The following LARGE1 variants were observed in gnomAD, a reference collection of about 807,000 sequenced individuals.
LARGE1 encodes LARGE xylosyl- and glucuronyltransferase 1, also known as xylosyl- and glucuronyltransferase LARGE1.
A neutral mutation model predicts 87.6 loss-of-function variants in LARGE1; 43 were observed. The ratio of observed to expected loss-of-function variants is 0.49; its 90% confidence interval spans 0.38 to 0.63. LARGE1 has a LOEUF of 0.63. Ranked by LOEUF, LARGE1 falls within the 30% of genes least tolerant of loss-of-function variation. The probability of loss-of-function intolerance (pLI) is 0.00; values close to 1 mark genes in which losing one functional copy is unlikely to be tolerated. For missense variants in LARGE1, 802 were observed against 1,000.2 expected (o/e 0.80, Z 2.67); for synonymous variants, 434 against 394.6 (o/e 1.10, Z -1.18).
intron 5 of LARGE1, among the ~76,000 whole-genome samples, chr22:33,603,352 T>C (rs1007720037): frequency 6.6e-6 from 1 of 152,188 alleles, no homozygotes; most frequent in African/African-American, 2.4e-5. Flanking sequence ...TTCTGCAAAG[T>C]TACATGTTCC....
At chr22:33,782,833 C>A (rs1269729917) in intron 1 of LARGE1, among the ~76,000 whole-genome samples, 1 of 150,868 alleles carries the variant, frequency 6.6e-6, no homozygotes, top group Non-Finnish European at 1.5e-5. Flanking sequence ...CCACTGCACT[C>A]CAGCCTGGCA....
Position 33,661,536 on chromosome 22 carries a change from A to T in LARGE1, c.107-10868T>A, listed in dbSNP as rs546831215. Among the ~76,000 whole-genome samples the T allele has an allele frequency of 1.9e-4, 29 of 149,612 alleles. No homozygotes were observed. The East Asian group carries it at 5.2e-3, about 27-fold the overall frequency. ...GGCATTTCTGTGATTTTTTTTTTTTAAATGAGGAGCACTGACAATAATGTC... is the reference window on the plus strand; with the variant it reads ...GGCATTTCTGTGATTTTTTTTTTTTTAATGAGGAGCACTGACAATAATGTC... On this transcript the variant is annotated intron_variant, in intron 2 of 14. Coordinates refer to ENST00000397394, the MANE Select transcript of LARGE1 (RefSeq NM_133642.5).
At chr22:33,593,534 A>G (rs552704121) in intron 5 of LARGE1, among the ~76,000 whole-genome samples, 1 of 152,306 alleles carries the variant, frequency 6.6e-6, no homozygotes, top group African/African-American at 2.4e-5. Flanking sequence ...CAAGATAATA[A>G]GCTTGTCTCC....
At chr22:33,903,827 A>C (rs1258281677) in intron 1 of LARGE1, among the ~76,000 whole-genome samples, 1 of 152,170 alleles carries the variant, frequency 6.6e-6, no homozygotes, top group Non-Finnish European at 1.5e-5. Context: ...CCATCTCCAA[A>C]AAACAAAACA....
chr22:33,620,640 G>T (rs147742091), intron 4 of LARGE1, among the ~76,000 whole-genome samples: 223 of 152,050 alleles, frequency 1.5e-3, no homozygotes, highest in African/African-American at 5.0e-3. Context: ...ACAAGATTAC[G>T]CCCAGGCATG....
intron 6 of LARGE1, among the ~76,000 whole-genome samples, chr22:33,441,461 T>G (rs2067474755): frequency 6.6e-6 from 1 of 152,146 alleles, no homozygotes; most frequent in African/African-American, 2.4e-5. Context: ...TCTCTCTCTC[T>G]GTTTAATAAA....
chr22:33,092,203 C>T, the LARGE1 span, among the ~76,000 whole-genome samples: 3 of 151,972 alleles, frequency 2.0e-5, no homozygotes, highest in African/African-American at 4.8e-5. Context: ...TGGCCCTATG[C>T]TCTTCTTCTA....
At chr22:33,766,166 G>A (rs1054204515) in intron 1 of LARGE1, among the ~76,000 whole-genome samples, 5 of 152,158 alleles carry the variant, frequency 3.3e-5, no homozygotes, top group Admixed American at 6.5e-5. Context: ...AAATGTTGGC[G>A]AATTAACTGG....
intron 5 of LARGE1, among the ~76,000 whole-genome samples, chr22:33,597,114 A>G (rs534916802): frequency 1.3e-5 from 2 of 152,134 alleles, no homozygotes; most frequent in East Asian, 3.9e-4. Flanking sequence ...ATTTCGTCAC[A>G]GCACCTGAAG....
At chr22:33,583,929 A>C (rs2078593917) in intron 5 of LARGE1, among the ~76,000 whole-genome samples, 1 of 152,226 alleles carries the variant, frequency 6.6e-6, no homozygotes, top group Non-Finnish European at 1.5e-5. Flanking sequence ...CATACTGACT[A>C]TACTGATACT....
chr22:33,715,308 G>T (rs1457321290), intron 2 of LARGE1, among the ~76,000 whole-genome samples: 1 of 152,062 alleles, frequency 6.6e-6, no homozygotes, highest in Non-Finnish European at 1.5e-5. Context: ...CCAATAGGGT[G>T]GTCTTTTTCC....
chr22:33,302,703 AG>A (rs1290761181), intron 12 of LARGE1, among the ~76,000 whole-genome samples: 1 of 152,208 alleles, frequency 6.6e-6, no homozygotes, highest in Non-Finnish European at 1.5e-5. Flanking sequence ...CGAGAGAGAA[AG>A]AAATCAGACC....
At chr22:33,502,916 C>T (rs1266955888) in intron 6 of LARGE1, among the ~76,000 whole-genome samples, 1 of 152,120 alleles carries the variant, frequency 6.6e-6, no homozygotes, top group Non-Finnish European at 1.5e-5. Flanking sequence ...GGCCTCGTAC[C>T]AGGCTTTTAC....
chr22:33,586,047 T>C (rs2078663690), intron 5 of LARGE1, among the ~76,000 whole-genome samples: 1 of 152,206 alleles, frequency 6.6e-6, no homozygotes, highest in Non-Finnish European at 1.5e-5. Context: ...GTTTGGAGTT[T>C]GGGTTGGATC....
intron 1 of LARGE1, among the ~76,000 whole-genome samples, chr22:33,865,776 G>A (rs943337453): frequency 6.9e-5 from 9 of 130,300 alleles, no homozygotes; most frequent in African/African-American, 2.3e-4. Flanking sequence ...GATTTTAAAT[G>A]TAAAACATTT....
chr22:33,918,468 G>C (rs1012524878), intron 1 of LARGE1, among the ~76,000 whole-genome samples: 1 of 152,202 alleles, frequency 6.6e-6, no homozygotes, highest in Non-Finnish European at 1.5e-5. Flanking sequence ...ACAGGGACAG[G>C]CTCGATAAAT....
intron 3 of LARGE1, among the ~76,000 whole-genome samples, chr22:33,631,144 C>T (rs559356997): frequency 1.1e-4 from 15 of 135,056 alleles, no homozygotes; most frequent in African/African-American, 3.0e-4. Context: ...TGAGCCACTG[C>T]GCCCAGCCAA....
chr22:33,878,207 G>A (rs1275921243), intron 1 of LARGE1, among the ~76,000 whole-genome samples: 1 of 131,656 alleles, frequency 7.6e-6, no homozygotes, highest in African/African-American at 3.0e-5. Flanking sequence ...GTGTGATCTC[G>A]GCTCACTTCA....
chr22:33,695,191 C>T (rs1243274860), intron 2 of LARGE1, among the ~76,000 whole-genome samples: 1 of 151,436 alleles, frequency 6.6e-6, no homozygotes, highest in African/African-American at 2.4e-5. Flanking sequence ...GCAACCTCTG[C>T]CTCCCGGGTT....
Sources: gnomAD v4.1 joint callset for allele counts (sites outside exome capture counted in the v4.1 genomes callset) on GRCh38, gnomAD v4.1.1 for gene constraint, MANE v1.5 for transcripts, NCBI Gene and HGNC (gene_info 2026-07-23, HGNC 2026-07-21) for gene names.